Variants in TRIM35 observed in about 807,000 individuals in gnomAD.
TRIM35 encodes tripartite motif containing 35, also known as E3 ubiquitin-protein ligase TRIM35.
TRIM35 carries 37 observed loss-of-function variants against 49.1 expected under a neutral mutation model. The ratio of observed to expected loss-of-function variants is 0.75; its 90% CI spans 0.58 to 0.99. The LOEUF (loss-of-function observed/expected upper bound fraction) is 0.99. Among genes scored for constraint, TRIM35 ranks in the 50% least tolerant of loss-of-function variants. TRIM35 has a pLI of 0.00. For synonymous variants in TRIM35, 302 were observed against 289.3 expected (o/e 1.04, Z -0.45); for missense variants, 648 against 702.7 (o/e 0.92, Z 0.88).
chr8:27,292,754 T>C (rs1802480434), intron 3 of TRIM35, among the ~76,000 whole-genome samples: 5 of 152,210 alleles, frequency 3.3e-5, no homozygotes. Flanking sequence ...TGAAATGTTC[T>C]AAAATTGTCG....
At chr8:27,296,893 T>C (rs1231717529) in intron 2 of TRIM35, among the ~76,000 whole-genome samples, 3 of 152,224 alleles carry the variant, frequency 2.0e-5, no homozygotes, top group African/African-American at 7.2e-5. Context: ...GTTGGTCTAT[T>C]AGACATCAGA....
At chr8:27,305,532 T>G (rs1241821103) in intron 1 of TRIM35, among the ~76,000 whole-genome samples, 1 of 151,138 alleles carries the variant, frequency 6.6e-6, no homozygotes, top group Non-Finnish European at 1.5e-5. Flanking sequence ...TGGGGGTGAG[T>G]GGTTAGGAAA....
intron 5 of TRIM35, 51 bp from the exon 6 acceptor site, chr8:27,288,178 C>A: frequency 6.6e-7 from 1 of 1,519,826 alleles, no homozygotes; most frequent in Non-Finnish European, 8.9e-7. Flanking sequence ...GTCCCTTAGG[C>A]CACACGTGGA....
intron 1 of TRIM35, among the ~76,000 whole-genome samples, chr8:27,300,330 G>A (rs57085911): frequency 0.048 from 7,286 of 152,104 alleles, 489 homozygotes; most frequent in African/African-American, 0.16. Flanking sequence ...CTGACCCACA[G>A]AAACTCAAAG....
chr8:27,301,396 T>C (rs113613633), intron 1 of TRIM35, among the ~76,000 whole-genome samples: 113 of 152,330 alleles, frequency 7.4e-4, no homozygotes, highest in African/African-American at 2.6e-3. Flanking sequence ...GGCCACCATA[T>C]GTGTCTTCAC....
intron 1 of TRIM35, 48 bp from the exon 2 acceptor site, chr8:27,298,607 G>T: frequency 1.3e-6 from 2 of 1,516,796 alleles, no homozygotes; most frequent in Non-Finnish European, 1.8e-6. Flanking sequence ...AGGGCTGGAG[G>T]CTGGGCAGAG....
intron 1 of TRIM35, among the ~76,000 whole-genome samples, chr8:27,304,378 G>A (rs1173706850): frequency 6.6e-6 from 1 of 152,184 alleles, no homozygotes; most frequent in Non-Finnish European, 1.5e-5. Flanking sequence ...TGCTCTGCCT[G>A]GTTCCCACCT....
rs1390526272 is a variant in TRIM35, at chr8:27,294,274, C to A, written c.568G>T (p.Glu190Ter). Reference protein sequence around the residue: ...AAWLEGRIRQEFDKLREFLRV... With the variant: ...AAWLEGRIRQ ...AAGAACTCGCGAAGCTTATCAAACT[C>A]CTGCCGGATCCGGCCTTCCAGCCAT... The change falls in exon 3 of 6, where the codon GAG (glutamate) becomes TAG (stop). Residue 190 changes from glutamate to a stop codon, truncating the protein, a stop_gained. Transcript: ENST00000305364. LOFTEE classifies it high-confidence loss of function. 1 of 1,613,998 alleles carries A rather than the reference C, an allele frequency of 6.2e-7. No homozygotes were observed. Among genetic ancestry groups the A allele is most frequent in the African/African-American group, 1.3e-5 (1 of 74,946 alleles).
intron 1 of TRIM35, among the ~76,000 whole-genome samples, chr8:27,300,836 T>C (rs1351013289): frequency 2.0e-5 from 3 of 152,206 alleles, no homozygotes; most frequent in Non-Finnish European, 4.4e-5. Flanking sequence ...TGATACAAAA[T>C]CATGTAATAC....
rs775964920 is a variant in TRIM35 at position 27,289,243 on chromosome 8, C to T, written c.823G>A (p.Gly275Ser). ...CTMEPEPVQP[G>S]MLIDVCKYLG... ...TACTTGCAGACATCGATAAGCATGC[C>T]GGGCTGGACTGGCTCTGGCTCCATG... The change falls in exon 5 of 6, where the codon GGC becomes AGC. Residue 275 changes from glycine to serine, a missense_variant. By Grantham distance (56) the Gly-to-Ser change is moderately conservative. Coordinates refer to ENST00000305364, the MANE Select transcript of TRIM35 (RefSeq NM_171982.5). 48 of 1,614,004 alleles carry T rather than the reference C, an allele frequency of 3.0e-5. No homozygotes were observed. The highest frequency in any genetic ancestry group is 5.0e-5 in the Admixed American group (3 of 60,000).
intron 1 of TRIM35, among the ~76,000 whole-genome samples, chr8:27,308,052 C>T (rs763514611): frequency 2.0e-5 from 3 of 152,042 alleles, no homozygotes; most frequent in Admixed American, 2.0e-4. Flanking sequence ...AGATGCAGAA[C>T]GGAATGACAC....
In TRIM35 at chr8:27,285,720, C is replaced by T. The variant is rs1472561670; in HGVS notation, c.*1830G>A. The T allele has an allele frequency of 9.2e-6, 1 of 109,092 alleles. No individual in the cohort carries two copies. The highest frequency in any genetic ancestry group is 3.4e-5 in the African/African-American group (1 of 29,120). The allele number at this position is 109,092 out of a possible 1,614,324, so 6.8% of individuals were successfully genotyped here. A position where few individuals can be genotyped will look rare whatever the true frequency, so the allele number is the denominator to read the frequency against. ...CCATATCTAAGGTGAAAATAAAAAA[C>T]ATTTTTAAAAGTTTAATATAAAGAA... On this transcript the variant is annotated 3_prime_UTR_variant, in exon 6 of 6. Coordinates refer to ENST00000305364, the MANE Select transcript of TRIM35 (RefSeq NM_171982.5).
rs1306503632 is a variant in TRIM35 at position 27,286,823 on chromosome 8, T to C, written c.*727A>G. The C allele has an allele frequency of 2.6e-5, 4 of 152,676 alleles. No individual in the cohort carries two copies. Among genetic ancestry groups the C allele is most frequent in the East Asian group, 1.9e-4 (1 of 5,202 alleles). 9.5% of individuals were successfully genotyped at this position (152,676 alleles called of 1,614,324 possible). On this transcript the variant is annotated 3_prime_UTR_variant, in exon 6 of 6. Transcript: ENST00000305364. ...GATGGCAAGCATCTGGCTGAAAGCA[T>C]GCCTTTCCTATGGAAACCAACTAAT... is the stretch of plus-strand genomic sequence containing the variant.
At chr8:27,309,827 T>TAAAAA (rs34068211) in intron 1 of TRIM35, among the ~76,000 whole-genome samples, 2 of 140,216 alleles carry the variant, frequency 1.4e-5, no homozygotes, top group Admixed American at 7.1e-5. Context: ...TACTAGAAAT[T>TAAAAA]AAAAAAAAAA....
intron 1 of TRIM35, among the ~76,000 whole-genome samples, chr8:27,300,312 C>T (rs1802657103): frequency 6.6e-6 from 1 of 152,216 alleles, no homozygotes; most frequent in African/African-American, 2.4e-5. Context: ...CTAAGGCAGG[C>T]CCAATTCCTG....
intron 1 of TRIM35, among the ~76,000 whole-genome samples, chr8:27,305,562 G>C (rs1563445183): frequency 6.6e-6 from 1 of 152,218 alleles, no homozygotes; most frequent in South Asian, 2.1e-4. Flanking sequence ...GCATTGGAAG[G>C]GGGAAGACCT....
At position 27,287,568 on chromosome 8, in the gene TRIM35, C is replaced by T; in HGVS notation, c.1464G>A (p.Lys488=). The change falls in exon 6 of 6, where the codon AAG becomes AAA. Residue 488 remains lysine (K), a synonymous_variant. Transcript: ENST00000305364. This position sits in a 1 kb window ranked among gnomAD's most constrained non-coding sequence, Gnocchi z 6.0. ...LRICPLHISV[K]EELDG ...GGCCAGCTCAGCCATCCAGTTCTTC[C>T]TTGACACTGATGTGCAAGGGGCAGA... 1 of 1,590,130 alleles carries T rather than the reference C, an allele frequency of 6.3e-7. No individual in the cohort carries two copies. Among genetic ancestry groups the T allele is most frequent in the Non-Finnish European group, 8.6e-7 (1 of 1,167,470 alleles).
intron 2 of TRIM35, among the ~76,000 whole-genome samples, chr8:27,296,281 C>A (rs146034541): frequency 2.0e-3 from 299 of 151,994 alleles, no homozygotes; most frequent in African/African-American, 6.0e-3. Context: ...AGGCATTAAG[C>A]CCCGCATGCA....
intron 1 of TRIM35, among the ~76,000 whole-genome samples, chr8:27,306,996 T>C (rs1405612235): frequency 6.6e-6 from 1 of 152,264 alleles, no homozygotes; most frequent in Non-Finnish European, 1.5e-5. Context: ...TTATACCAGG[T>C]TTGCATTTGT....
Sources: allele counts gnomAD v4.1 joint callset (sites outside exome capture counted in the v4.1 genomes callset), GRCh38; gene constraint gnomAD v4.1.1; non-coding constraint Gnocchi (gnomAD v3.1); transcripts MANE v1.5; gene names NCBI Gene and HGNC (gene_info 2026-07-23, HGNC 2026-07-21).